The following MARCO variants were observed in gnomAD, a reference collection of about 807,000 sequenced individuals.
MARCO encodes the protein macrophage receptor MARCO.
MARCO carries 72 observed loss-of-function variants against 70.0 expected under a neutral mutation model. That is an observed-to-expected ratio of 1.03 (90% CI 0.85 to 1.25). MARCO has a LOEUF of 1.25. MARCO is among the 50% of genes most tolerant of loss of function. MARCO has a pLI of 0.00. For missense variants in MARCO, 696 were observed against 659.3 expected, an observed-to-expected ratio of 1.06 and a Z score of -0.61; for synonymous variants, 273 against 243.1, an observed-to-expected ratio of 1.12 and a Z score of -1.14.
At chr2:118,989,193 A>C (rs772037177) in intron 12 of MARCO, among the ~76,000 whole-genome samples, 14 of 152,166 alleles carry the variant, frequency 9.2e-5, no homozygotes, top group Non-Finnish European at 1.9e-4. Context: ...TTACAAGCTA[A>C]ATGTGAGTTC....
At chr2:118,985,247 G>A (rs1268119712) in intron 12 of MARCO, among the ~76,000 whole-genome samples, 4 of 152,096 alleles carry the variant, frequency 2.6e-5, no homozygotes, top group East Asian at 1.9e-4. Context: ...TTCCAGAATC[G>A]GTTTTATGGA....
chr2:118,987,216 T>TGC (rs1205267770), intron 12 of MARCO, among the ~76,000 whole-genome samples: 2 of 152,242 alleles, frequency 1.3e-5, no homozygotes, highest in African/African-American at 4.8e-5. Flanking sequence ...AAAGCCAGCT[T>TGC]GCTTATGGTT....
intron 1 of MARCO, among the ~76,000 whole-genome samples, chr2:118,963,705 C>T (rs1317645656): frequency 3.3e-5 from 5 of 152,052 alleles, no homozygotes; most frequent in Non-Finnish European, 7.4e-5. Context: ...TGTGTATTGT[C>T]TATTTCTTTT....
Position 118,992,447 on chromosome 2 carries a change from A to C in MARCO, c.1223A>C (p.Gln408Pro), listed in dbSNP as rs1244554566. 2 of 1,613,812 alleles carry C rather than the reference A, an allele frequency of 1.2e-6. No individual in the cohort carries two copies. The change falls in exon 15 of 17, where the codon CAA becomes CCA. Residue 408 changes from glutamine to proline, a missense_variant. Gln to Pro is a moderately conservative substitution (Grantham distance 76). This residue lies in a region of MARCO where 605 missense variants were observed against 537.6 expected (regional missense o/e 1.13). Transcript: ENST00000327097. ...DQGVKGSSGE[Q>P]GVKGEKGERG... ...CTCATGACAGGATCTTCTGGGGAGC[A>C]AGGAGTAAAGGGAGAAAAAGGTGAA...
Position 118,978,007 on chromosome 2 carries a change from T to C in MARCO, c.766+72T>C, listed in dbSNP as rs368167101. 4.1e-4 allele frequency: 416 copies of C among 1,014,366 alleles called. 2 individuals carry two copies. The Middle Eastern group carries it at 0.011, about 27-fold the overall frequency. 62.8% of individuals were successfully genotyped at this position (1,014,366 alleles called of 1,614,324 possible). A position where few individuals can be genotyped will look rare whatever the true frequency, so the allele number is the denominator to read the frequency against. ...GAACTAGGGCCTGACCTCTGTGCCA[T>C]TGGGTCTATTCAGTGCCCACTGAGG... On this transcript the variant is annotated intron_variant, in intron 8 of 16. Coordinates refer to ENST00000327097, the MANE Select transcript of MARCO (RefSeq NM_006770.4).
At chr2:118,958,180 C>T (rs1679874332) in intron 1 of MARCO, among the ~76,000 whole-genome samples, 1 of 151,888 alleles carries the variant, frequency 6.6e-6, no homozygotes, top group Admixed American at 6.6e-5. Flanking sequence ...AAAAAAAGGG[C>T]ATCCAAATTG....
chr2:118,945,601 C>T (rs529075902), intron 1 of MARCO, among the ~76,000 whole-genome samples: 10 of 151,846 alleles, frequency 6.6e-5, no homozygotes, highest in East Asian at 5.8e-4. Flanking sequence ...TTAGTAGAGA[C>T]GGGGTTTCAC....
At chr2:118,958,351 C>T (rs1679877021) in intron 1 of MARCO, among the ~76,000 whole-genome samples, 1 of 151,100 alleles carries the variant, frequency 6.6e-6, no homozygotes, top group East Asian at 1.9e-4. Context: ...TTCCTTACAC[C>T]AACAGTGACC....
chr2:118,994,264 G>T, intron 16 of MARCO, 123 bp from the exon 17 acceptor site: 1 of 1,051,946 alleles, frequency 9.5e-7, no homozygotes, highest in South Asian at 1.3e-5. Context: ...GCCGGAATGG[G>T]CCAGAATGAG....
At chr2:118,970,068 C>T (rs1258543134) in intron 2 of MARCO, 46 bp from the exon 3 acceptor site, 5 of 1,493,382 alleles carry the variant, frequency 3.3e-6, no homozygotes, top group East Asian at 2.3e-5. Context: ...CAGGGATATG[C>T]TCAAATGCCT....
At chr2:118,970,896 C>G (rs35288880) in intron 3 of MARCO, among the ~76,000 whole-genome samples, 2 of 152,200 alleles carry the variant, frequency 1.3e-5, no homozygotes, top group African/African-American at 4.8e-5. Context: ...GGGTTTACCC[C>G]GTGACACAGA....
Position 118,970,167 on chromosome 2 carries a change from ACT to A in MARCO, c.256_257del (p.Leu86GlyfsTer3). 2.5e-6 allele frequency: 4 copies of A among 1,613,848 alleles called. No homozygotes were observed. The highest frequency in any genetic ancestry group is 1.7e-6 in the Non-Finnish European group (2 of 1,179,960). The part of the protein sequence containing the change: ...RVLEMYFLND[T>X]LAAEDSPSFS... ...CCTGGAGATGTATTTCCTCAATGAC[ACT>A]CTGGCGGCTGAGGACAGCCCGTCCT... On this transcript the variant is annotated frameshift_variant, in exon 3 of 17. Coordinates refer to ENST00000327097, the MANE Select transcript of MARCO (RefSeq NM_006770.4). LOFTEE classifies it high-confidence loss of function.
At chr2:118,953,852 A>G (rs1186910015) in intron 1 of MARCO, among the ~76,000 whole-genome samples, 1 of 152,208 alleles carries the variant, frequency 6.6e-6, no homozygotes, top group Non-Finnish European at 1.5e-5. Flanking sequence ...CCTGGAGCTG[A>G]TCAAGTTAGA....
intron 1 of MARCO, 83 bp downstream of exon 1, chr2:118,942,480 G>A: frequency 8.8e-7 from 1 of 1,133,964 alleles, no homozygotes; most frequent in South Asian, 1.3e-5. Flanking sequence ...CAAGTCAATA[G>A]AAAGTCTAGG....
At chr2:118,964,871 GA>G (rs1680014949) in intron 1 of MARCO, among the ~76,000 whole-genome samples, 2 of 143,682 alleles carry the variant, frequency 1.4e-5, no homozygotes, top group Non-Finnish European at 3.0e-5. Flanking sequence ...CTGGGCGACA[GA>G]GTGAGATACC....
Position 118,969,185 on chromosome 2 carries a change from G to T in MARCO, c.123G>T (p.Gly41=). 6.2e-7 allele frequency: 1 copy of T among 1,613,974 alleles called. No individual in the cohort carries two copies. The highest frequency in any genetic ancestry group is 8.5e-7 in the Non-Finnish European group (1 of 1,179,806). The change falls in exon 2 of 17, where the codon GGG becomes GGT. Residue 41 remains glycine (G), a synonymous_variant. Transcript: ENST00000327097. The part of the protein sequence containing the change: ...INVPKPKRRN[G]VNFSLAVVVI... ...TTCCAAAGCCCAAGAGGAGAAATGG[G>T]GTGAACTTCTCCCTAGCTGTGGTGG...
intron 1 of MARCO, among the ~76,000 whole-genome samples, chr2:118,950,237 G>A (rs940498347): frequency 1.3e-5 from 2 of 152,100 alleles, no homozygotes; most frequent in African/African-American, 2.4e-5. Context: ...CAATTTTAAT[G>A]TCTGACCATA....
chr2:118,985,547 C>A (rs142178689), intron 12 of MARCO, among the ~76,000 whole-genome samples: 3 of 152,298 alleles, frequency 2.0e-5, no homozygotes, highest in African/African-American at 7.2e-5. Context: ...CCATACCCTG[C>A]AGAACCTTCT....
At position 118,986,648 on chromosome 2, in the gene MARCO, AGAAAGAAGGAAGGAAGGAAG is replaced by A. The variant is rs1325950246; in HGVS notation, c.1064-3937_1064-3918del. Among the ~76,000 whole-genome samples, 6 of 39,310 alleles carry A rather than the reference AGAAAGAAGGAAGGAAGGAAG, an allele frequency of 1.5e-4. 1 individual carries two copies. Among genetic ancestry groups the A allele is most frequent in the African/African-American group, 1.1e-3 (6 of 5,482 alleles). The allele number at this position is 39,310 out of a possible 152,430, so 25.8% of individuals were successfully genotyped here. On this transcript the variant is annotated intron_variant, in intron 12 of 16. Transcript: ENST00000327097. ...AAGAAAGAAAGAAAGAAAGAAAGAA[AGAAAGAAGGAAGGAAGGAAG>A]GAAGGAAAGAAAGAAAGAAAGAAAG...
Sources: gnomAD v4.1 joint callset for allele counts (sites outside exome capture counted in the v4.1 genomes callset) on GRCh38, gnomAD v4.1.1 for gene constraint, gnomAD v4.1.1 regional missense constraint, MANE v1.5 for transcripts, NCBI Gene and HGNC (gene_info 2026-07-23, HGNC 2026-07-21) for gene names.